Variants in WDR37 observed in about 807,000 individuals in gnomAD.
The protein encoded by WDR37 is WD repeat-containing protein 37.
A neutral mutation model predicts 62.9 loss-of-function variants in WDR37; 19 were observed. The observed-to-expected ratio is 0.30, with a 90% confidence interval of 0.21 to 0.44. The LOEUF (loss-of-function observed/expected upper bound fraction) is 0.44. Ranked by LOEUF, WDR37 falls within the 20% of genes least tolerant of loss-of-function variation. WDR37 has a pLI of 1.00. For missense variants in WDR37, 474 were observed against 657.6 expected (o/e 0.72, Z 3.05); for synonymous variants, 250 against 260.9 (o/e 0.96, Z 0.40).
chr10:1,075,121 T>C (rs1377272578), intron 2 of WDR37, among the ~76,000 whole-genome samples: 1 of 152,152 alleles, frequency 6.6e-6, no homozygotes, highest in Non-Finnish European at 1.5e-5. Flanking sequence ...GGAGAACTGA[T>C]GGAAAAGGTT....
chr10:1,067,699 A>T (rs1833596236), intron 1 of WDR37, among the ~76,000 whole-genome samples: 1 of 152,234 alleles, frequency 6.6e-6, no homozygotes, highest in Admixed American at 6.5e-5. Context: ...TTAAGATCAC[A>T]GTGAGATATT....
At chr10:1,081,357 A>G (rs1416455934) in intron 5 of WDR37, among the ~76,000 whole-genome samples, 5 of 152,242 alleles carry the variant, frequency 3.3e-5, no homozygotes, top group African/African-American at 1.2e-4. Flanking sequence ...GCATATTTCA[A>G]GGATACAAAG....
chr10:1,089,610 CA>C (rs1834314614), intron 7 of WDR37, among the ~76,000 whole-genome samples: 1 of 151,592 alleles, frequency 6.6e-6, no homozygotes, highest in Admixed American at 6.6e-5. Context: ...TGCTCACCCA[CA>C]ATTCAACCTT....
intron 7 of WDR37, among the ~76,000 whole-genome samples, chr10:1,090,920 G>GTGC (rs778038759): frequency 3.3e-5 from 5 of 152,106 alleles, no homozygotes; most frequent in Non-Finnish European, 7.4e-5. Context: ...CATGGCTCAC[G>GTGC]TGCTGCCCCG....
chr10:1,073,437 C>T (rs546014408), intron 2 of WDR37, among the ~76,000 whole-genome samples: 3 of 152,188 alleles, frequency 2.0e-5, no homozygotes, highest in South Asian at 4.2e-4. Flanking sequence ...ACTGTTGCCA[C>T]GAAGAGGATC....
chr10:1,125,152 TAG>T (rs1444125231), intron 13 of WDR37, 128 bp downstream of exon 13: 1 of 1,428,884 alleles, frequency 7.0e-7, no homozygotes, highest in Non-Finnish European at 9.2e-7. Flanking sequence ...GAGCTGTATT[TAG>T]AGTTCATAAA....
intron 1 of WDR37, among the ~76,000 whole-genome samples, chr10:1,067,332 A>T (rs1291919476): frequency 6.6e-6 from 1 of 152,226 alleles, no homozygotes; most frequent in East Asian, 1.9e-4. Context: ...GAAACAGAAA[A>T]CTATAAAAAA....
chr10:1,057,192 G>C (rs1242813506), intron 1 of WDR37, among the ~76,000 whole-genome samples: 1 of 151,956 alleles, frequency 6.6e-6, no homozygotes, highest in Non-Finnish European at 1.5e-5. Context: ...GTGCAGAAGG[G>C]TTCAGGGTGC....
intron 1 of WDR37, among the ~76,000 whole-genome samples, chr10:1,068,571 A>G (rs1160712478): frequency 1.3e-5 from 2 of 152,172 alleles, no homozygotes; most frequent in African/African-American, 4.8e-5. Context: ...AAATTTTCAT[A>G]AAAGAGTAAT....
At position 1,080,321 on chromosome 10, in the gene WDR37, T is replaced by A; in HGVS notation, c.332-91T>A. 3.2e-6 allele frequency: 5 copies of A among 1,546,072 alleles called. No individual in the cohort carries two copies. The South Asian group carries it at 5.8e-5, about 18-fold the overall frequency. On this transcript the variant is annotated intron_variant, in intron 4 of 13. Coordinates refer to ENST00000263150, the MANE Select transcript of WDR37 (RefSeq NM_014023.4). Reference sequence around the variant, plus strand: ...GTCAAACGAGCCTTTCTGGGCCCCCTTTCTTCCTGTGCAAGACACAAGACC... The same window carrying A: ...GTCAAACGAGCCTTTCTGGGCCCCCATTCTTCCTGTGCAAGACACAAGACC...
At position 1,084,493 on chromosome 10, in the gene WDR37, A is replaced by G; in HGVS notation, c.487A>G (p.Ser163Gly). 6.2e-7 allele frequency: 1 copy of G among 1,614,168 alleles called. No homozygotes were observed. Among genetic ancestry groups the G allele is most frequent in the Non-Finnish European group, 8.5e-7 (1 of 1,180,028 alleles). The change falls in exon 6 of 14, where the codon AGC becomes GGC. Residue 163 changes from serine (S) to glycine (G), a missense_variant. Ser to Gly is a moderately conservative substitution (Grantham distance 56). Transcript: ENST00000263150. ...CCACCGGGACGGCATCTGGGATGTC[A>G]GCGTGGCCAAGACACAGCCAGTGGT... ...IGHRDGIWDVSVAKTQPVVLG... is the reference protein window; with the variant it reads ...IGHRDGIWDVGVAKTQPVVLG...
At chr10:1,102,824 T>G (rs750457246) in intron 9 of WDR37, among the ~76,000 whole-genome samples, 1 of 151,532 alleles carries the variant, frequency 6.6e-6, no homozygotes, top group Non-Finnish European at 1.5e-5. Flanking sequence ...TACTAACGGG[T>G]GTGTGTGTGT....
intron 6 of WDR37, 127 bp downstream of exon 6, chr10:1,084,665 A>AC (rs1834141881): frequency 2.2e-6 from 3 of 1,337,722 alleles, no homozygotes; most frequent in Non-Finnish European, 3.1e-6. Context: ...AGTCAGTGGA[A>AC]CCCCCCACAC....
intron 11 of WDR37, among the ~76,000 whole-genome samples, chr10:1,116,049 A>G (rs960032206): frequency 6.6e-6 from 1 of 152,148 alleles, no homozygotes; most frequent in African/African-American, 2.4e-5. Flanking sequence ...CAGTTTTGCT[A>G]CCTTGATGTA....
At chr10:1,064,535 G>A (rs1218040718) in intron 1 of WDR37, among the ~76,000 whole-genome samples, 1 of 144,956 alleles carries the variant, frequency 6.9e-6, no homozygotes, top group Non-Finnish European at 1.5e-5. Context: ...CATAGTAAGA[G>A]AGATACCACT....
chr10:1,100,803 C>T (rs1055592983), intron 9 of WDR37, among the ~76,000 whole-genome samples: 5 of 152,180 alleles, frequency 3.3e-5, no homozygotes, highest in Non-Finnish European at 5.9e-5. Context: ...TTCCCAGCCA[C>T]GTGCAGTGCT....
intron 11 of WDR37, among the ~76,000 whole-genome samples, chr10:1,114,329 A>C (rs889089920): frequency 1.3e-5 from 2 of 152,224 alleles, no homozygotes; most frequent in African/African-American, 4.8e-5. Context: ...CAATTGCTAT[A>C]GCAGACTCCA....
At chr10:1,098,865 A>G (rs1834692328) in intron 9 of WDR37, among the ~76,000 whole-genome samples, 1 of 152,204 alleles carries the variant, frequency 6.6e-6, no homozygotes, top group South Asian at 2.1e-4. Flanking sequence ...TCACCTCTGT[A>G]TGCATGCATC....
chr10:1,103,802 C>T lies in WDR37; in HGVS notation c.927C>T (p.Asp309=), dbSNP rs543180544. The stretch of plus-strand genomic sequence containing the variant: ...GGGACCGGACGGCAAACCTGTACGA[C>T]GTGGAGACGTCCGAGCTCGTTCACT... ...ASWDRTANLY[D]VETSELVHSL... is the part of the protein sequence containing the mutation. The change falls in exon 10 of 14, where the codon GAC becomes GAT. Residue 309 remains aspartate, a synonymous_variant. Coordinates refer to ENST00000263150, the MANE Select transcript of WDR37 (RefSeq NM_014023.4). This position sits in a 1 kb window ranked among gnomAD's most constrained non-coding sequence, Gnocchi z 6.3. 81 of 1,614,190 alleles carry T rather than the reference C, an allele frequency of 5.0e-5. No individual in the cohort carries two copies. Among genetic ancestry groups the T allele is most frequent in the Middle Eastern group, 1.6e-4 (1 of 6,062 alleles).
Sources: allele counts gnomAD v4.1 joint callset (sites outside exome capture counted in the v4.1 genomes callset), GRCh38; gene constraint gnomAD v4.1.1; non-coding constraint Gnocchi (gnomAD v3.1); transcripts MANE v1.5; gene names NCBI Gene and HGNC (gene_info 2026-07-23, HGNC 2026-07-21).